TMEM163: variants seen among roughly 807,000 people sequenced by gnomAD.
TMEM163 encodes transmembrane protein 163.
Under a neutral mutation model 29.3 loss-of-function variants are expected in TMEM163, and 17 were observed. That is an observed-to-expected ratio of 0.58 (90% CI 0.40 to 0.87). The LOEUF (loss-of-function observed/expected upper bound fraction) is 0.87, where lower values mean the gene tolerates loss of function less well. Among genes scored for constraint, TMEM163 ranks in the 40% least tolerant of loss-of-function variants. The pLI is 0.00. For missense variants in TMEM163, 303 were observed against 381.5 expected (o/e 0.79, Z 1.71); for synonymous variants, 157 against 160.6 (o/e 0.98, Z 0.17).
Position 134,458,082 on chromosome 2 carries a change from G to T in TMEM163, c.759C>A (p.Asp253Glu). The T allele has an allele frequency of 1.2e-6, 2 of 1,614,170 alleles. No homozygotes were observed. Among genetic ancestry groups the T allele is most frequent in the South Asian group, 1.1e-5 (1 of 91,080 alleles). The stretch of plus-strand genomic sequence containing the variant: ...GGCCGATCAGAACGCCTATGCTGCC[G>T]TCCAGGTACCAGACCGCCGAGTCAT... ...FKHDSAVWYL[D>E]GSIGVLIGLT... is the part of the protein sequence containing the mutation. Residue 253 changes from aspartate to glutamate, a missense_variant, in exon 7 of 8, where the codon GAC becomes GAA. By Grantham distance (45) the Asp-to-Glu change is conservative. This residue lies in a region of TMEM163 where 203 missense variants were observed against 294.3 expected (regional missense o/e 0.69). Coordinates refer to ENST00000281924, the MANE Select transcript of TMEM163 (RefSeq NM_030923.5).
chr2:134,553,157 C>T (rs978011350), intron 2 of TMEM163, among the ~76,000 whole-genome samples: 2 of 152,240 alleles, frequency 1.3e-5, no homozygotes, highest in Non-Finnish European at 2.9e-5. Flanking sequence ...GTCAGCAAAG[C>T]TGGCAGTGGC....
Position 134,612,007 on chromosome 2 carries a change from C to T in TMEM163, c.323-59916G>A, listed in dbSNP as rs991436034. 9.2e-5 allele frequency among the ~76,000 whole-genome samples: 14 copies of T among 152,338 alleles called. No homozygotes were observed. The East Asian group carries it at 2.5e-3, about 27-fold the overall frequency. On this transcript the variant is annotated intron_variant, in intron 2 of 7. Coordinates refer to ENST00000281924, the MANE Select transcript of TMEM163 (RefSeq NM_030923.5). ...GGAAGTGGAAGAAACACCGGAAAAC[C>T]AACAGGACCTTCCACAGAGGTCAGC...
At chr2:134,592,990 C>G (rs1681973163) in intron 2 of TMEM163, among the ~76,000 whole-genome samples, 1 of 152,118 alleles carries the variant, frequency 6.6e-6, no homozygotes, top group Admixed American at 6.5e-5. Context: ...CCAAAGTTTC[C>G]TAAGCAGCCT....
chr2:134,555,168 A>G (rs1299571953), intron 2 of TMEM163, among the ~76,000 whole-genome samples: 1 of 152,192 alleles, frequency 6.6e-6, no homozygotes, highest in African/African-American at 2.4e-5. Context: ...GTCAAGTAGT[A>G]ACTTCATTTT....
intron 2 of TMEM163, among the ~76,000 whole-genome samples, chr2:134,634,259 A>T: frequency 6.6e-6 from 1 of 152,020 alleles, no homozygotes; most frequent in Non-Finnish European, 1.5e-5. Flanking sequence ...TGCTCTCTGG[A>T]GTCAGACAGA....
At chr2:134,650,200 G>A (rs1021475483) in intron 2 of TMEM163, among the ~76,000 whole-genome samples, 34 of 151,712 alleles carry the variant, frequency 2.2e-4, no homozygotes, top group African/African-American at 7.8e-4. Context: ...AAAACATCTG[G>A]AAGTACATAT....
chr2:134,541,477 A>G (rs1305589891), intron 4 of TMEM163, among the ~76,000 whole-genome samples: 1 of 152,238 alleles, frequency 6.6e-6, no homozygotes, highest in Non-Finnish European at 1.5e-5. Context: ...AATTTATCCT[A>G]AAGAAATAAC....
chr2:134,462,067 G>A (rs62168961), intron 6 of TMEM163, among the ~76,000 whole-genome samples: 11,314 of 152,228 alleles, frequency 0.074, 692 homozygotes, highest in East Asian at 0.19. Context: ...ATGTTTTGCC[G>A]GCAACACACC....
In TMEM163 at chr2:134,552,105, A is replaced by G; in HGVS notation, c.323-14T>C. The G allele has an allele frequency of 6.2e-7, 1 of 1,608,436 alleles. No individual in the cohort carries two copies. The highest frequency in any genetic ancestry group is 8.5e-7 in the Non-Finnish European group (1 of 1,175,804). ...TAACGGAGACAGCTAAAAAGAAAGA[A>G]AATATTATTCAGAATATTTTAAAAC... On this transcript the variant is annotated splice_polypyrimidine_tract_variant and intron_variant, in intron 2 of 7. Coordinates refer to ENST00000281924, the MANE Select transcript of TMEM163 (RefSeq NM_030923.5).
At chr2:134,488,796 A>C (rs1679369278) in intron 5 of TMEM163, among the ~76,000 whole-genome samples, 1 of 152,244 alleles carries the variant, frequency 6.6e-6, no homozygotes, top group African/African-American at 2.4e-5. Context: ...AAAGATAACA[A>C]TAGATAAATG....
intron 6 of TMEM163, among the ~76,000 whole-genome samples, chr2:134,461,071 C>T (rs1196095704): frequency 6.6e-6 from 1 of 152,238 alleles, no homozygotes; most frequent in Admixed American, 6.5e-5. Flanking sequence ...GAGCCCCCAG[C>T]CCAGCAGGCA....
At chr2:134,572,584 T>C (rs1293219477) in intron 2 of TMEM163, among the ~76,000 whole-genome samples, 2 of 152,216 alleles carry the variant, frequency 1.3e-5, no homozygotes, top group Non-Finnish European at 2.9e-5. Flanking sequence ...GAAGCAGTAC[T>C]GTGGTTCAGA....
chr2:134,600,271 G>A (rs548746057), intron 2 of TMEM163, among the ~76,000 whole-genome samples: 3 of 152,282 alleles, frequency 2.0e-5, no homozygotes, highest in Non-Finnish European at 4.4e-5. Context: ...TGGTTGTCAT[G>A]TGACTTAATT....
chr2:134,640,799 A>G (rs1683206550), intron 2 of TMEM163, among the ~76,000 whole-genome samples: 1 of 152,218 alleles, frequency 6.6e-6, no homozygotes, highest in South Asian at 2.1e-4. Flanking sequence ...TTCAGATCAT[A>G]GAAAACTTAC....
intron 2 of TMEM163, among the ~76,000 whole-genome samples, chr2:134,616,663 C>A (rs1471820758): frequency 6.6e-6 from 1 of 152,038 alleles, no homozygotes; most frequent in Admixed American, 6.6e-5. Context: ...CTTTGAAGCC[C>A]TTTTGTATAA....
At chr2:134,683,317 A>G (rs910181163) in intron 2 of TMEM163, among the ~76,000 whole-genome samples, 2 of 152,116 alleles carry the variant, frequency 1.3e-5, no homozygotes, top group African/African-American at 4.8e-5. Context: ...GGATCTATTG[A>G]TAACGGGGGG....
intron 2 of TMEM163, among the ~76,000 whole-genome samples, chr2:134,560,263 G>A (rs1681139155): frequency 6.6e-6 from 1 of 152,236 alleles, no homozygotes; most frequent in Non-Finnish European, 1.5e-5. Context: ...GGTTTCATCT[G>A]CCCCACCCTA....
At chr2:134,485,057 G>T (rs1373541109) in intron 5 of TMEM163, among the ~76,000 whole-genome samples, 1 of 152,208 alleles carries the variant, frequency 6.6e-6, no homozygotes, top group Admixed American at 6.5e-5. Flanking sequence ...ACCAGAGAAA[G>T]AGAACCAGTG....
chr2:134,634,314 G>A (rs1165108350), intron 2 of TMEM163, among the ~76,000 whole-genome samples: 1 of 152,086 alleles, frequency 6.6e-6, no homozygotes, highest in Non-Finnish European at 1.5e-5. Flanking sequence ...TATGAGACAA[G>A]GGACAAGTTA....
Sources: gnomAD v4.1 joint callset for allele counts (sites outside exome capture counted in the v4.1 genomes callset) on GRCh38, gnomAD v4.1.1 for gene constraint, gnomAD v4.1.1 regional missense constraint, MANE v1.5 for transcripts, NCBI Gene and HGNC (gene_info 2026-07-23, HGNC 2026-07-21) for gene names.